Variants in HAAO observed in about 807,000 individuals in gnomAD.
HAAO encodes 3-hydroxyanthranilate oxygenase.
In HAAO, 49 loss-of-function variants were observed where a neutral mutation model predicts 46.2. That is an observed-to-expected ratio of 1.06 (90% confidence interval 0.84 to 1.34). The LOEUF is 1.34. Among genes scored for constraint, HAAO ranks in the 40% most tolerant of loss-of-function variants. The pLI is 0.00. For missense variants in HAAO, 408 were observed against 364.5 expected, an observed-to-expected ratio of 1.12 and a Z score of -0.97; for synonymous variants, 157 against 145.2, an observed-to-expected ratio of 1.08 and a Z score of -0.58.
chr2:42,785,010 G>A (rs944098393), intron 2 of HAAO, among the ~76,000 whole-genome samples: 3 of 152,220 alleles, frequency 2.0e-5, no homozygotes, highest in African/African-American at 7.2e-5. Flanking sequence ...TACCTGCCTA[G>A]TGGTGTACAT....
chr2:42,778,062 G>A (rs1367425458), intron 4 of HAAO, among the ~76,000 whole-genome samples: 1 of 151,884 alleles, frequency 6.6e-6, no homozygotes, highest in Non-Finnish European at 1.5e-5. Flanking sequence ...GGATGTTCAG[G>A]ACAAACCAGA....
intron 7 of HAAO, among the ~76,000 whole-genome samples, chr2:42,768,435 C>T (rs954509072): frequency 1.3e-5 from 2 of 152,170 alleles, no homozygotes; most frequent in African/African-American, 4.8e-5. Flanking sequence ...TAAACTGAAG[C>T]AGGTAAGAGC....
Position 42,767,843 on chromosome 2 carries a change from C to G in HAAO, c.699+17G>C, listed in dbSNP as rs199810070. 25 of 1,612,670 alleles carry G rather than the reference C, an allele frequency of 1.6e-5. No homozygotes were observed. The highest frequency in any genetic ancestry group is 2.0e-5 in the Non-Finnish European group (24 of 1,178,810). ...CTGGCAGGGGGTTCTGCAACCCTGT[C>G]CCTGGGCCCCACTTGCCAGCTGCCA... On this transcript the variant is annotated intron_variant, in intron 8 of 9. Coordinates refer to ENST00000294973, the MANE Select transcript of HAAO (RefSeq NM_012205.3).
At chr2:42,783,648 G>A in intron 3 of HAAO, 136 bp downstream of exon 3, 2 of 766,644 alleles carry the variant, frequency 2.6e-6, no homozygotes, top group Non-Finnish European at 4.4e-6. Flanking sequence ...GAAGGGGCAG[G>A]TTGGCAGGGG....
At chr2:42,778,558 G>A (rs951157393) in intron 4 of HAAO, among the ~76,000 whole-genome samples, 1 of 152,076 alleles carries the variant, frequency 6.6e-6, no homozygotes, top group Non-Finnish European at 1.5e-5. Context: ...CTGAAACTCT[G>A]ACCTCATGAT....
At chr2:42,768,335 G>T (rs1040643165) in intron 7 of HAAO, among the ~76,000 whole-genome samples, 3 of 152,150 alleles carry the variant, frequency 2.0e-5, no homozygotes, top group African/African-American at 7.2e-5. Flanking sequence ...TGAGGCTGAG[G>T]GCTCTCTGAC....
At chr2:42,773,735 C>T (rs1286204059) in intron 4 of HAAO, among the ~76,000 whole-genome samples, 6 of 152,040 alleles carry the variant, frequency 3.9e-5, no homozygotes, top group South Asian at 2.1e-4. Flanking sequence ...TACAGGCGCC[C>T]GCCACCACGC....
intron 4 of HAAO, among the ~76,000 whole-genome samples, chr2:42,778,001 T>G (rs1237360437): frequency 6.6e-6 from 1 of 152,128 alleles, no homozygotes; most frequent in Non-Finnish European, 1.5e-5. Context: ...GAAAGACTCT[T>G]GTATGGTAAA....
intron 1 of HAAO, chr2:42,788,858 C>G (rs1672583882): frequency 4.2e-6 from 2 of 476,014 alleles, no homozygotes; most frequent in Non-Finnish European, 7.6e-6. Context: ...TCGTCTGACC[C>G]AACAAGGGAA....
rs572904356 is a variant in HAAO, at chr2:42,767,332, C to T, written c.*105G>A. On this transcript the variant is annotated 3_prime_UTR_variant, in exon 10 of 10. Transcript: ENST00000294973. The stretch of plus-strand genomic sequence containing the variant: ...ATGTGCAGGTCTGTGGGGGACACAG[C>T]GGCAGTACACAGAGAGGTAGTGGGG... 2.5e-4 allele frequency: 194 copies of T among 776,798 alleles called. 1 individual carries two copies. Among genetic ancestry groups the T allele is most frequent in the Non-Finnish European group, 3.4e-4 (153 of 444,148 alleles). 48.1% of individuals were successfully genotyped at this position (776,798 alleles called of 1,614,324 possible). A position where few individuals can be genotyped will look rare whatever the true frequency, so the allele number is the denominator to read the frequency against.
chr2:42,769,348 G>C (rs4953658), intron 7 of HAAO, among the ~76,000 whole-genome samples: 114,708 of 152,164 alleles, frequency 0.75, 43,622 homozygotes, highest in Middle Eastern at 0.88. Flanking sequence ...GCTTCCAAGG[G>C]TGTGACTGGC....
rs142987263 is a variant in HAAO, at chr2:42,788,318, G to C, written c.159+211C>G. ...TGTTTCCTGGGGCTCCCCCAGCAGAGGTGCTAGCTGTGGAGGCGTCACTGC... is the reference window on the plus strand; with the variant it reads ...TGTTTCCTGGGGCTCCCCCAGCAGACGTGCTAGCTGTGGAGGCGTCACTGC... On this transcript the variant is annotated intron_variant, in intron 2 of 9. Coordinates refer to ENST00000294973, the MANE Select transcript of HAAO (RefSeq NM_012205.3). Among the ~76,000 whole-genome samples the C allele has an allele frequency of 4.1e-3, 622 of 152,332 alleles. 7 individuals carry two copies. Among genetic ancestry groups the C allele is most frequent in the African/African-American group, 0.014 (597 of 41,562 alleles).
chr2:42,767,731 G>A, intron 8 of HAAO, 54 bp from the exon 9 acceptor site: 1 of 1,547,522 alleles, frequency 6.5e-7, no homozygotes, highest in Admixed American at 1.7e-5. Flanking sequence ...TCATCACCTG[G>A]GTGAATGTCT....
chr2:42,785,439 T>C (rs1435295895), intron 2 of HAAO, among the ~76,000 whole-genome samples: 1 of 152,236 alleles, frequency 6.6e-6, no homozygotes, highest in African/African-American at 2.4e-5. Flanking sequence ...CTTTAGTTTG[T>C]AGCAATACAA....
At chr2:42,780,290 C>T (rs1671891328) in intron 4 of HAAO, among the ~76,000 whole-genome samples, 1 of 151,088 alleles carries the variant, frequency 6.6e-6, no homozygotes, top group Non-Finnish European at 1.5e-5. Context: ...TCACTGCAAC[C>T]TCCGCCTCCC....
chr2:42,767,281 G>A lies in HAAO; in HGVS notation c.*156C>T, dbSNP rs1214035518. The A allele has an allele frequency of 1.2e-5, 8 of 652,804 alleles. No homozygotes were observed. The highest frequency in any genetic ancestry group is 2.2e-5 in the Admixed American group (1 of 45,658). 40.4% of individuals were successfully genotyped at this position (652,804 alleles called of 1,614,324 possible). On this transcript the variant is annotated 3_prime_UTR_variant, in exon 10 of 10. Transcript: ENST00000294973. The stretch of plus-strand genomic sequence containing the variant: ...CCCAGGGGCATGGCATCTGGGCTGA[G>A]AAGGGCAGGAGGGTGGGTGACAACA...
In HAAO at chr2:42,792,570, T is replaced by C. The variant is rs778911816; in HGVS notation, c.-34A>G. 30 of 1,477,988 alleles carry C rather than the reference T, an allele frequency of 2.0e-5. No homozygotes were observed. The South Asian group carries it at 3.8e-4, about 19-fold the overall frequency. The allele number at this position is 1,477,988 out of a possible 1,614,324, so 91.6% of individuals were successfully genotyped here. Reference sequence around the variant, plus strand: ...CGGGCGCCTCCTCGCAGCGCTGTCCTCCCGCCGTCGGAGGCCCGCAGCTCC... The same window carrying C: ...CGGGCGCCTCCTCGCAGCGCTGTCCCCCCGCCGTCGGAGGCCCGCAGCTCC... On this transcript the variant is annotated 5_prime_UTR_variant, in exon 1 of 10. Coordinates refer to ENST00000294973, the MANE Select transcript of HAAO (RefSeq NM_012205.3).
At chr2:42,785,815 T>C (rs1672339806) in intron 2 of HAAO, among the ~76,000 whole-genome samples, 1 of 152,040 alleles carries the variant, frequency 6.6e-6, no homozygotes, top group Non-Finnish European at 1.5e-5. Flanking sequence ...TGAGCTATGA[T>C]TGCACCACTG....
At chr2:42,784,138 G>C (rs896505771) in intron 2 of HAAO, among the ~76,000 whole-genome samples, 4 of 152,178 alleles carry the variant, frequency 2.6e-5, no homozygotes, top group Non-Finnish European at 5.9e-5. Context: ...GGCAGGAACT[G>C]GATGAAATGC....
Sources: gnomAD v4.1 joint callset for allele counts (sites outside exome capture counted in the v4.1 genomes callset) on GRCh38, gnomAD v4.1.1 for gene constraint, MANE v1.5 for transcripts, NCBI Gene and HGNC (gene_info 2026-07-23, HGNC 2026-07-21) for gene names.